Variants in PTPRD observed in about 807,000 individuals in gnomAD.
The protein encoded by PTPRD is protein tyrosine phosphatase receptor type D.
A neutral mutation model predicts 214.5 loss-of-function variants in PTPRD; 34 were observed. The observed-to-expected ratio is 0.16, with a 90% CI of 0.12 to 0.21. PTPRD has a LOEUF of 0.21. PTPRD is among the 10% of genes least tolerant of loss of function. The probability of loss-of-function intolerance (pLI) is 1.00; values close to 1 mark genes in which losing one functional copy is unlikely to be tolerated. For missense variants in PTPRD, 2,545 were observed against 2,398.7 expected, an observed-to-expected ratio of 1.06 and a Z score of -1.27; for synonymous variants, 1,128 against 845.7, an observed-to-expected ratio of 1.33 and a Z score of -5.79.
intron 12 of PTPRD, among the ~76,000 whole-genome samples, chr9:8,704,754 A>C (rs1236549070): frequency 6.7e-6 from 1 of 149,936 alleles, no homozygotes; most frequent in African/African-American, 2.5e-5. Context: ...CTCTACTAAA[A>C]ATACAAAAAA....
chr9:8,746,863 G>A (rs2092877309), intron 11 of PTPRD, among the ~76,000 whole-genome samples: 1 of 152,056 alleles, frequency 6.6e-6, no homozygotes, highest in Admixed American at 6.6e-5. Context: ...TGTTGGATAT[G>A]GGTCTCACAT....
In PTPRD at chr9:9,311,967, A is replaced by G. The variant is rs115337557; in HGVS notation, c.-203+85482T>C. Among the ~76,000 whole-genome samples, 1,351 of 152,322 alleles carry G rather than the reference A, an allele frequency of 8.9e-3. 15 individuals are homozygous for G. The highest frequency in any genetic ancestry group is 0.031 in the African/African-American group (1,272 of 41,586). Reference sequence around the variant, plus strand: ...TAGGTTTTAAGATCCATTATAAATTATGCTAAATGTAGCAATATACACTGC... The same window carrying G: ...TAGGTTTTAAGATCCATTATAAATTGTGCTAAATGTAGCAATATACACTGC... On this transcript the variant is annotated intron_variant, in intron 9 of 45. Transcript: ENST00000381196.
At chr9:9,442,418 A>C (rs1569568361) in intron 8 of PTPRD, 1 of 152,234 alleles carries the variant, frequency 6.6e-6, no homozygotes, top group Non-Finnish European at 1.5e-5. Flanking sequence ...CGCCTGTAGT[A>C]CTGATGTCTG....
At chr9:9,112,101 C>T (rs2099806945) in intron 10 of PTPRD, among the ~76,000 whole-genome samples, 2 of 152,142 alleles carry the variant, frequency 1.3e-5, no homozygotes. Context: ...CATATTCATT[C>T]TCTTTCCTGT....
At chr9:10,282,662 C>T (rs942258765) in intron 3 of PTPRD, among the ~76,000 whole-genome samples, 3 of 152,104 alleles carry the variant, frequency 2.0e-5, no homozygotes, top group Non-Finnish European at 4.4e-5. Context: ...AAAAAATACT[C>T]ACATCCCCCA....
intron 7 of PTPRD, among the ~76,000 whole-genome samples, chr9:9,621,129 G>C (rs1307679605): frequency 6.6e-6 from 1 of 152,184 alleles, no homozygotes; most frequent in Non-Finnish European, 1.5e-5. Context: ...CAGGCTGTAA[G>C]AATACCAAGG....
intron 2 of PTPRD, among the ~76,000 whole-genome samples, chr9:10,392,787 A>G (rs1332883156): frequency 5.9e-5 from 9 of 151,914 alleles, no homozygotes; most frequent in Non-Finnish European, 1.5e-5. Flanking sequence ...GATGGAAGGA[A>G]GAACATGGGC....
At chr9:9,122,102 G>A (rs2099818164) in intron 10 of PTPRD, among the ~76,000 whole-genome samples, 1 of 152,160 alleles carries the variant, frequency 6.6e-6, no homozygotes, top group Admixed American at 6.5e-5. Flanking sequence ...TCCTTGAAAA[G>A]TGATTCATGA....
At chr9:8,347,636 T>C (rs76619898) in intron 39 of PTPRD, among the ~76,000 whole-genome samples, 5,619 of 152,234 alleles carry the variant, frequency 0.037, 167 homozygotes, top group South Asian at 0.16. Context: ...GTTGAAACGC[T>C]AACCCCCAGT....
At chr9:8,528,458 T>C in intron 15 of PTPRD, 133 bp downstream of exon 15, 1 of 799,794 alleles carries the variant, frequency 1.3e-6, no homozygotes, top group Non-Finnish European at 2.1e-6. Context: ...ACCCATTAAG[T>C]AACAGAGAAA....
chr9:9,653,599 G>A (rs137914536), intron 7 of PTPRD, among the ~76,000 whole-genome samples: 185 of 152,074 alleles, frequency 1.2e-3, no homozygotes, highest in African/African-American at 4.2e-3. Flanking sequence ...CTGTTTTTGT[G>A]GTTAGAAACA....
At chr9:9,643,802 A>G (rs557834507) in intron 7 of PTPRD, among the ~76,000 whole-genome samples, 55 of 152,328 alleles carry the variant, frequency 3.6e-4, no homozygotes, top group African/African-American at 1.3e-3. Context: ...ACTTTTCCCA[A>G]AACTCATACC....
chr9:10,153,598 C>A (rs918284051), intron 3 of PTPRD, among the ~76,000 whole-genome samples: 3 of 152,006 alleles, frequency 2.0e-5, no homozygotes, highest in African/African-American at 4.8e-5. Flanking sequence ...TATAGGTGAA[C>A]TACTGTCACT....
At chr9:9,382,149 G>A (rs894213668) in intron 9 of PTPRD, among the ~76,000 whole-genome samples, 3 of 142,106 alleles carry the variant, frequency 2.1e-5, no homozygotes, top group African/African-American at 7.7e-5. Flanking sequence ...TATTGTAAAT[G>A]GGATTTTTTT....
intron 7 of PTPRD, among the ~76,000 whole-genome samples, chr9:9,644,769 C>T (rs1343301266): frequency 6.6e-6 from 1 of 152,172 alleles, no homozygotes; most frequent in Non-Finnish European, 1.5e-5. Flanking sequence ...AAACCACAAA[C>T]CCCACTGGCA....
intron 9 of PTPRD, among the ~76,000 whole-genome samples, chr9:9,273,029 G>A (rs534481355): frequency 1.3e-5 from 2 of 151,276 alleles, no homozygotes; most frequent in African/African-American, 2.4e-5. Context: ...AACACCACAT[G>A]AAAATCAATG....
intron 9 of PTPRD, among the ~76,000 whole-genome samples, chr9:9,254,195 T>G (rs572526872): frequency 6.6e-6 from 1 of 152,050 alleles, no homozygotes; most frequent in South Asian, 2.1e-4. Flanking sequence ...GCACATCTTA[T>G]GGGGGCGGGG....
At chr9:10,588,681 T>C (rs111791700) in intron 2 of PTPRD, among the ~76,000 whole-genome samples, 3,036 of 152,144 alleles carry the variant, frequency 0.02, 53 homozygotes, top group African/African-American at 0.041. Context: ...TATATTTCAA[T>C]ATGAGAAATT....
chr9:10,487,610 C>T (rs11521227), intron 2 of PTPRD, among the ~76,000 whole-genome samples: 2,683 of 151,938 alleles, frequency 0.018, 38 homozygotes, highest in Non-Finnish European at 0.028. Context: ...GAAGAGAAGA[C>T]CAAATACGGC....
Sources: allele counts gnomAD v4.1 joint callset (sites outside exome capture counted in the v4.1 genomes callset), GRCh38; gene constraint gnomAD v4.1.1; transcripts MANE v1.5; gene names NCBI Gene and HGNC (gene_info 2026-07-23, HGNC 2026-07-21).